The following FOXP2 variants were observed in gnomAD, a reference collection of about 807,000 sequenced individuals.
FOXP2 encodes forkhead box protein P2.
Under a neutral mutation model 115.8 loss-of-function variants are expected in FOXP2, and 12 were observed. The observed-to-expected ratio is 0.10, with a 90% CI of 0.07 to 0.17. The LOEUF (loss-of-function observed/expected upper bound fraction) is 0.17. Ranked by LOEUF, FOXP2 falls within the 10% of genes least tolerant of loss-of-function variation. The pLI is 1.00. For synonymous variants in FOXP2, 328 were observed against 297.7 expected (o/e 1.10, Z -1.05); for missense variants, 629 against 843.5 (o/e 0.75, Z 3.15).
At chr7:114,349,590 A>G (rs1200084619) in intron 2 of FOXP2, among the ~76,000 whole-genome samples, 2 of 152,014 alleles carry the variant, frequency 1.3e-5, no homozygotes, top group Non-Finnish European at 2.9e-5. Context: ...AGGTTGTGTT[A>G]TTTAAAGGAC....
Position 114,587,879 on chromosome 7 carries a change from A to ATATATATATATATATATAT in FOXP2, c.259-40661_259-40660insTATATATATATATATATAT. On this transcript the variant is annotated intron_variant, in intron 3 of 16. Transcript: ENST00000350908. ...CTAATTGGGTGAATAAGAGATAATTAAATCCACCTTTCTTAGTGCCTTATT... is the reference window on the plus strand; with the variant it reads ...CTAATTGGGTGAATAAGAGATAATTATATATATATATATATATATAATCCACCTTTCTTAGTGCCTTATT... 8.8e-4 allele frequency among the ~76,000 whole-genome samples: 67 copies of ATATATATATATATATATAT among 76,454 alleles called. 2 individuals are homozygous for ATATATATATATATATATAT. The highest frequency in any genetic ancestry group is 2.1e-3 in the South Asian group (4 of 1,870). 50.2% of individuals were successfully genotyped at this position (76,454 alleles called of 152,430 possible).
At chr7:114,614,508 T>G (rs899592025) in intron 3 of FOXP2, among the ~76,000 whole-genome samples, 2 of 152,188 alleles carry the variant, frequency 1.3e-5, no homozygotes, top group Non-Finnish European at 2.9e-5. Flanking sequence ...TTTTTTAACA[T>G]AGTTAAATTA....
chr7:114,171,592 T>A (rs187169117), intron 1 of FOXP2, among the ~76,000 whole-genome samples: 55 of 152,212 alleles, frequency 3.6e-4, no homozygotes, highest in Admixed American at 3.5e-3. Flanking sequence ...TAAAAAATGA[T>A]GTATTTGGTC....
At chr7:114,457,743 A>G (rs1795375244) in intron 2 of FOXP2, among the ~76,000 whole-genome samples, 1 of 152,106 alleles carries the variant, frequency 6.6e-6, no homozygotes, top group African/African-American at 2.4e-5. Context: ...CTAAAAATAC[A>G]AAAAACTAGC....
At chr7:114,324,103 T>C (rs1797496599) in intron 2 of FOXP2, among the ~76,000 whole-genome samples, 1 of 151,962 alleles carries the variant, frequency 6.6e-6, no homozygotes, top group Admixed American at 6.5e-5. Flanking sequence ...TGGAATTTTC[T>C]GTCACTAGGA....
intron 1 of FOXP2, among the ~76,000 whole-genome samples, chr7:114,174,117 T>C (rs1264324725): frequency 6.6e-6 from 1 of 152,010 alleles, no homozygotes; most frequent in Non-Finnish European, 1.5e-5. Flanking sequence ...CTTTATTCTT[T>C]CTATATGTAG....
At chr7:114,293,514 A>G (rs556491875) in intron 2 of FOXP2, among the ~76,000 whole-genome samples, 8 of 152,286 alleles carry the variant, frequency 5.3e-5, no homozygotes, top group Non-Finnish European at 1.2e-4. Context: ...CTCAGTAACT[A>G]TTTGAGATAT....
intron 2 of FOXP2, among the ~76,000 whole-genome samples, chr7:114,372,004 T>C (rs1295291496): frequency 1.3e-5 from 2 of 152,336 alleles, no homozygotes; most frequent in South Asian, 2.1e-4. Flanking sequence ...TATTCACATA[T>C]TGAGTATTTA....
intron 2 of FOXP2, among the ~76,000 whole-genome samples, chr7:114,358,770 A>G (rs1791674729): frequency 6.6e-6 from 1 of 152,172 alleles, no homozygotes; most frequent in African/African-American, 2.4e-5. Flanking sequence ...CTAAGCAGCA[A>G]AGTGTTCAAG....
intron 2 of FOXP2, among the ~76,000 whole-genome samples, chr7:114,488,045 T>TCC (rs1309994980): frequency 6.6e-6 from 1 of 152,148 alleles, no homozygotes; most frequent in Non-Finnish European, 1.5e-5. Flanking sequence ...TGAGACTGGG[T>TCC]AATTTATAAA....
intron 3 of FOXP2, among the ~76,000 whole-genome samples, chr7:114,617,413 G>A (rs1167318387): frequency 1.3e-5 from 2 of 152,268 alleles, no homozygotes; most frequent in East Asian, 3.9e-4. Flanking sequence ...AACCAGCATT[G>A]TTGCCACGAA....
intron 16 of FOXP2, among the ~76,000 whole-genome samples, chr7:114,679,454 C>G (rs1182052078): frequency 1.3e-5 from 2 of 152,170 alleles, no homozygotes; most frequent in African/African-American, 4.8e-5. Flanking sequence ...CTATATTTTG[C>G]AAATTCATCT....
chr7:114,501,491 C>T (rs1797564462), intron 2 of FOXP2, among the ~76,000 whole-genome samples: 1 of 152,006 alleles, frequency 6.6e-6, no homozygotes, highest in South Asian at 2.1e-4. Flanking sequence ...TGTTGCATGT[C>T]AGAAAAGAAG....
At chr7:114,540,998 CAG>C (rs1799636330) in intron 3 of FOXP2, among the ~76,000 whole-genome samples, 1 of 151,968 alleles carries the variant, frequency 6.6e-6, no homozygotes, top group South Asian at 2.1e-4. Flanking sequence ...ATTATCAAAG[CAG>C]TGGTCTGTGA....
intron 2 of FOXP2, among the ~76,000 whole-genome samples, chr7:114,444,488 A>G (rs1794743001): frequency 6.6e-6 from 1 of 152,150 alleles, no homozygotes; most frequent in Non-Finnish European, 1.5e-5. Flanking sequence ...CTGCTAAGCC[A>G]TGTTAGTAAT....
chr7:114,452,339 A>C (rs1397872847), intron 2 of FOXP2, among the ~76,000 whole-genome samples: 1 of 152,034 alleles, frequency 6.6e-6, no homozygotes, highest in Non-Finnish European at 1.5e-5. Flanking sequence ...AAAAAATCTT[A>C]TTGGTAATAC....
chr7:114,398,125 A>G, intron 2 of FOXP2, among the ~76,000 whole-genome samples: 1 of 152,298 alleles, frequency 6.6e-6, no homozygotes, highest in East Asian at 1.9e-4. Flanking sequence ...TAATAAAAGA[A>G]AGTAGTCTAA....
chr7:114,226,702 A>AT (rs896330676), intron 1 of FOXP2, among the ~76,000 whole-genome samples: 20 of 151,376 alleles, frequency 1.3e-4, no homozygotes, highest in Middle Eastern at 3.4e-3. Flanking sequence ...TCTCTTTTCC[A>AT]TTTTTTTTGG....
chr7:114,649,612 A>G (rs2129336598), intron 8 of FOXP2, among the ~76,000 whole-genome samples: 1 of 152,262 alleles, frequency 6.6e-6, no homozygotes, highest in African/African-American at 2.4e-5. Flanking sequence ...TAATGTTAAT[A>G]CTTAGCCTAT....
Sources: allele counts gnomAD v4.1 joint callset (sites outside exome capture counted in the v4.1 genomes callset), GRCh38; gene constraint gnomAD v4.1.1; transcripts MANE v1.5; gene names NCBI Gene and HGNC (gene_info 2026-07-23, HGNC 2026-07-21).